ZFHX3: variants seen among roughly 807,000 people sequenced by gnomAD.
ZFHX3 encodes the protein zinc finger homeobox protein 3.
Under a neutral mutation model 279.1 loss-of-function variants are expected in ZFHX3, and 42 were observed. That is an observed-to-expected ratio of 0.15 (90% CI 0.12 to 0.19). The LOEUF (loss-of-function observed/expected upper bound fraction) is 0.19. Ranked by LOEUF, ZFHX3 falls within the 10% of genes least tolerant of loss-of-function variation. The pLI is 1.00. For synonymous variants in ZFHX3, 2,293 were observed against 1,957.8 expected, an observed-to-expected ratio of 1.17 and a Z score of -4.52; for missense variants, 4,981 against 4,754.0, an observed-to-expected ratio of 1.05 and a Z score of -1.40.
intron 2 of ZFHX3, among the ~76,000 whole-genome samples, chr16:73,662,367 G>T (rs939467235): frequency 5.9e-5 from 9 of 152,034 alleles, no homozygotes; most frequent in Non-Finnish European, 1.2e-4. Context: ...ATGACCCACG[G>T]TCACAGCGTT....
chr16:73,425,956 T>G (rs1267390386), intron 3 of ZFHX3, among the ~76,000 whole-genome samples: 1 of 152,026 alleles, frequency 6.6e-6, no homozygotes, highest in Non-Finnish European at 1.5e-5. Context: ...AAAAAATGCT[T>G]CTGCTTCTCC....
At chr16:73,647,427 C>A (rs921862252) in intron 2 of ZFHX3, among the ~76,000 whole-genome samples, 1 of 152,088 alleles carries the variant, frequency 6.6e-6, no homozygotes, top group Non-Finnish European at 1.5e-5. Context: ...ATAGTGAGTT[C>A]TCGTCAGATC....
chr16:73,361,664 C>A (rs2016435750), intron 3 of ZFHX3, among the ~76,000 whole-genome samples: 1 of 152,212 alleles, frequency 6.6e-6, no homozygotes, highest in Non-Finnish European at 1.5e-5. Flanking sequence ...CTTCCCCCCA[C>A]TGTAAAAGTT....
At chr16:73,177,351 T>C (rs1967687831) in intron 5 of ZFHX3, among the ~76,000 whole-genome samples, 2 of 152,226 alleles carry the variant, frequency 1.3e-5, no homozygotes, top group South Asian at 4.1e-4. Context: ...TAGAATTTTA[T>C]AGTGAAAACT....
intron 3 of ZFHX3, among the ~76,000 whole-genome samples, chr16:72,897,937 T>G (rs1013329666): frequency 6.6e-5 from 10 of 152,168 alleles, no homozygotes; most frequent in African/African-American, 2.4e-4. Context: ...CTGCACAGAC[T>G]GCAGGGGGTT....
At chr16:73,209,077 T>A (rs954235248) in intron 5 of ZFHX3, among the ~76,000 whole-genome samples, 1 of 152,206 alleles carries the variant, frequency 6.6e-6, no homozygotes, top group Non-Finnish European at 1.5e-5. Flanking sequence ...TACTCTCTAC[T>A]TTTATAGCCT....
chr16:72,991,764 T>C (rs1181331284), intron 1 of ZFHX3, among the ~76,000 whole-genome samples: 1 of 152,166 alleles, frequency 6.6e-6, no homozygotes, highest in Non-Finnish European at 1.5e-5. Flanking sequence ...CAGTGTCTTT[T>C]CCATCATCTT....
intron 1 of ZFHX3, among the ~76,000 whole-genome samples, chr16:73,836,388 C>T (rs891831334): frequency 2.4e-4 from 36 of 152,080 alleles, no homozygotes; most frequent in Admixed American, 1.8e-3. Context: ...TCTTAAATAC[C>T]GAAATGGGTT....
chr16:72,787,389 G>T lies in ZFHX3; in HGVS notation c.10887C>A (p.Pro3629=). 1.9e-6 allele frequency: 3 copies of T among 1,605,058 alleles called. No individual in the cohort carries two copies. Among genetic ancestry groups the T allele is most frequent in the Non-Finnish European group, 2.6e-6 (3 of 1,173,562 alleles). ...ATGAGGAGAGAGGAGGAAAAGAAGG[G>T]GGCTTCGCTGCCGAAGCCCGGGAGA... ...QVVSRASAAK[P]PSFPPLSSSS... is the part of the protein sequence containing the mutation. The change falls in exon 10 of 10, where the codon CCC becomes CCA. Residue 3629 remains proline, a synonymous_variant. Transcript: ENST00000268489.
intron 8 of ZFHX3, among the ~76,000 whole-genome samples, chr16:73,065,933 C>A (rs746507756): frequency 1.3e-5 from 2 of 152,232 alleles, no homozygotes; most frequent in South Asian, 2.1e-4. Flanking sequence ...TCTTCCCGTG[C>A]GCTCATGACA....
chr16:73,652,800 T>G (rs937451530), intron 2 of ZFHX3, among the ~76,000 whole-genome samples: 1 of 152,138 alleles, frequency 6.6e-6, no homozygotes, highest in South Asian at 2.1e-4. Context: ...AGTGTATTAT[T>G]TCCATATGAA....
At chr16:73,265,082 T>C (rs1357433436) in intron 4 of ZFHX3, among the ~76,000 whole-genome samples, 3 of 146,236 alleles carry the variant, frequency 2.1e-5, no homozygotes, top group South Asian at 2.2e-4. Flanking sequence ...TATATGCGTG[T>C]GTGTGTGTGT....
At chr16:73,859,052 C>T (rs185932803) in intron 1 of ZFHX3, among the ~76,000 whole-genome samples, 4 of 152,304 alleles carry the variant, frequency 2.6e-5, no homozygotes, top group African/African-American at 9.6e-5. Context: ...CCCATCTTTT[C>T]CCTGGGGAAA....
intron 4 of ZFHX3, among the ~76,000 whole-genome samples, chr16:72,845,343 C>T (rs536884344): frequency 6.6e-6 from 1 of 152,158 alleles, no homozygotes; most frequent in Non-Finnish European, 1.5e-5. Context: ...AATTTATTTC[C>T]CTCAATTATG....
chr16:73,102,431 G>C (rs1966243488), intron 7 of ZFHX3, among the ~76,000 whole-genome samples: 1 of 152,080 alleles, frequency 6.6e-6, no homozygotes, highest in African/African-American at 2.4e-5. Flanking sequence ...AATTTCTTTA[G>C]GTCACCTTTG....
At chr16:72,912,189 C>T (rs1317459763) in intron 3 of ZFHX3, among the ~76,000 whole-genome samples, 1 of 152,210 alleles carries the variant, frequency 6.6e-6, no homozygotes, top group African/African-American at 2.4e-5. Context: ...CCCTGCCAGG[C>T]TCCGCGCGGG....
intron 1 of ZFHX3, among the ~76,000 whole-genome samples, chr16:73,750,302 C>T (rs914739812): frequency 2.0e-5 from 3 of 152,102 alleles, no homozygotes; most frequent in Non-Finnish European, 4.4e-5. Flanking sequence ...TTGTGAGAAG[C>T]GGGTCTGGAG....
At chr16:73,743,744 A>G (rs1314959258) in intron 1 of ZFHX3, among the ~76,000 whole-genome samples, 1 of 152,196 alleles carries the variant, frequency 6.6e-6, no homozygotes, top group East Asian at 1.9e-4. Flanking sequence ...TTGTTAATCC[A>G]GTGGAATATT....
At chr16:73,708,390 A>G (rs2053325995) in intron 1 of ZFHX3, among the ~76,000 whole-genome samples, 1 of 152,374 alleles carries the variant, frequency 6.6e-6, no homozygotes, top group Admixed American at 6.5e-5. Context: ...GGTTAATAAC[A>G]TAAATCCCAA....
Sources: gnomAD v4.1 joint callset for allele counts (sites outside exome capture counted in the v4.1 genomes callset) on GRCh38, gnomAD v4.1.1 for gene constraint, MANE v1.5 for transcripts, NCBI Gene and HGNC (gene_info 2026-07-23, HGNC 2026-07-21) for gene names.